FANCB: variants seen among roughly 807,000 people sequenced by gnomAD.
The protein encoded by FANCB is FA complementation group B.
FANCB carries 5 observed loss-of-function variants against 38.9 expected under a neutral mutation model. That is an observed-to-expected ratio of 0.13 (90% CI 0.07 to 0.27). FANCB has a LOEUF of 0.27. FANCB is among the 10% of genes least tolerant of loss of function. FANCB has a pLI of 1.00. For synonymous variants in FANCB, 236 were observed against 215.4 expected, an observed-to-expected ratio of 1.10 and a Z score of -0.84; for missense variants, 573 against 602.7, an observed-to-expected ratio of 0.95 and a Z score of 0.52.
At chrX:14,714,444 A>T in the FANCB span, among the ~76,000 whole-genome samples, 4 of 111,854 alleles carry the variant, frequency 3.6e-5, no homozygotes, top group African/African-American at 1.3e-4. Flanking sequence ...GAACTAAAGA[A>T]AGATCCACCA....
chrX:14,726,825 T>C, the FANCB span, among the ~76,000 whole-genome samples: 2 of 112,506 alleles, frequency 1.8e-5, no homozygotes, highest in Admixed American at 9.4e-5. Context: ...GTGCTAAAAA[T>C]AGTTTACTAC....
chrX:14,871,759 T>C (rs1342794144), intron 1 of FANCB, among the ~76,000 whole-genome samples: 1 of 111,178 alleles, frequency 9.0e-6, no homozygotes, highest in African/African-American at 3.3e-5. Context: ...GCATTATATA[T>C]GTTCTATTTA....
At chrX:14,731,621 C>CTTTT in the FANCB span, 1 of 111,270 alleles carries the variant, frequency 9.0e-6, no homozygotes, top group African/African-American at 3.3e-5. Flanking sequence ...AACCCGTTGC[C>CTTTT]TTTTTGGTAC....
chrX:14,728,836 C>T, the FANCB span, among the ~76,000 whole-genome samples: 1 of 112,434 alleles, frequency 8.9e-6, no homozygotes, highest in African/African-American at 3.2e-5. Context: ...GCAGCTTCCC[C>T]TCTGAGCACG....
At chrX:14,746,222 T>C in the FANCB span, among the ~76,000 whole-genome samples, 1 of 112,125 alleles carries the variant, frequency 8.9e-6, no homozygotes, top group Admixed American at 9.4e-5. Context: ...TTTCAAATGA[T>C]TGAATCTTGT....
At chrX:14,702,099 G>C in the FANCB span, among the ~76,000 whole-genome samples, 1 of 111,913 alleles carries the variant, frequency 8.9e-6, no homozygotes, top group Non-Finnish European at 1.9e-5. Context: ...GGATATCCAG[G>C]CTGAGGAAAC....
chrX:14,714,781 ATTTGT>A, the FANCB span, among the ~76,000 whole-genome samples: 12 of 112,654 alleles, frequency 1.1e-4, no homozygotes, highest in African/African-American at 3.9e-4. Context: ...GCAGGTATTA[ATTTGT>A]TTTAAGAGAT....
the FANCB span, among the ~76,000 whole-genome samples, chrX:14,754,064 A>T: frequency 8.9e-6 from 1 of 111,949 alleles, no homozygotes; most frequent in Non-Finnish European, 1.9e-5. Flanking sequence ...GCCATCTTGT[A>T]ACCAGACGCA....
At chrX:14,795,629 T>C in the FANCB span, among the ~76,000 whole-genome samples, 2 of 111,885 alleles carry the variant, frequency 1.8e-5, no homozygotes, top group African/African-American at 6.5e-5. Flanking sequence ...ACAAGACAAT[T>C]GAGAGAATTT....
At chrX:14,851,627 CA>C (rs764533843) in intron 6 of FANCB, among the ~76,000 whole-genome samples, 3 of 112,020 alleles carry the variant, frequency 2.7e-5, no homozygotes, top group Non-Finnish European at 5.6e-5. Flanking sequence ...TACCTGCCGC[CA>C]GGTTTGCTTT....
At chrX:14,773,403 A>T in the FANCB span, among the ~76,000 whole-genome samples, 7 of 112,002 alleles carry the variant, frequency 6.2e-5, no homozygotes, top group African/African-American at 2.3e-4. Context: ...GTGTCATAAT[A>T]TTACTATGGG....
the FANCB span, among the ~76,000 whole-genome samples, chrX:14,698,321 C>T: frequency 2.7e-5 from 3 of 111,193 alleles, no homozygotes; most frequent in African/African-American, 9.8e-5. Flanking sequence ...TCATGAACTA[C>T]TAAATTAATT....
chrX:14,814,741 C>G, the FANCB span, among the ~76,000 whole-genome samples: 1 of 112,132 alleles, frequency 8.9e-6, no homozygotes, highest in Admixed American at 9.4e-5. Context: ...ACTAGTTCAA[C>G]CATTGTGGAA....
At chrX:14,779,092 G>A in the FANCB span, among the ~76,000 whole-genome samples, 1 of 112,006 alleles carries the variant, frequency 8.9e-6, no homozygotes, top group Non-Finnish European at 1.9e-5. Flanking sequence ...TAAGACAAAG[G>A]CTGAGAAGTA....
At chrX:14,800,098 T>C in the FANCB span, among the ~76,000 whole-genome samples, 1 of 111,762 alleles carries the variant, frequency 8.9e-6, no homozygotes, top group East Asian at 2.8e-4. Flanking sequence ...GGAAAGAACA[T>C]CAACGGTGTG....
chrX:14,836,668 T>C (rs2092342056), intron 10 of FANCB, among the ~76,000 whole-genome samples: 1 of 112,293 alleles, frequency 8.9e-6, no homozygotes, highest in African/African-American at 3.2e-5. Context: ...AACTTTTTTC[T>C]CTGTGTAGAC....
At chrX:14,689,685 A>C in the FANCB span, among the ~76,000 whole-genome samples, 1 of 112,442 alleles carries the variant, frequency 8.9e-6, no homozygotes, top group African/African-American at 3.2e-5. Flanking sequence ...GCTGGCAAGC[A>C]CTTGACAGCT....
the FANCB span, among the ~76,000 whole-genome samples, chrX:14,829,439 T>C: frequency 9.0e-6 from 1 of 111,672 alleles, no homozygotes; most frequent in Admixed American, 9.5e-5. Flanking sequence ...TTTGAAGTTT[T>C]GAAGCCAGGC....
At chrX:14,785,813 C>T in the FANCB span, among the ~76,000 whole-genome samples, 8 of 111,342 alleles carry the variant, frequency 7.2e-5, no homozygotes, top group East Asian at 2.8e-4. Context: ...GACTACAGTA[C>T]GCCAGATGCT....
Sources: gnomAD v4.1 joint callset for allele counts (sites outside exome capture counted in the v4.1 genomes callset) on GRCh38, gnomAD v4.1.1 for gene constraint, MANE v1.5 for transcripts, NCBI Gene and HGNC (gene_info 2026-07-23, HGNC 2026-07-21) for gene names.